ATRNL1: variants seen among roughly 807,000 people sequenced by gnomAD.
ATRNL1 encodes attractin-like protein 1.
A neutral mutation model predicts 182.7 loss-of-function variants in ATRNL1; 95 were observed. That is an observed-to-expected ratio of 0.52 (90% CI 0.44 to 0.62). ATRNL1 has a LOEUF of 0.62. ATRNL1 is among the 20% of genes least tolerant of loss of function. The pLI, the probability that ATRNL1 is intolerant of heterozygous loss-of-function variation, is 0.00. For synonymous variants in ATRNL1, 576 were observed against 568.3 expected (o/e 1.01, Z -0.19); for missense variants, 1,471 against 1,679.5 (o/e 0.88, Z 2.17).
chr10:115,202,985 A>T (rs1357260659), intron 8 of ATRNL1, among the ~76,000 whole-genome samples: 2 of 151,846 alleles, frequency 1.3e-5, no homozygotes, highest in East Asian at 3.9e-4. Flanking sequence ...CGAGGAATTT[A>T]TCCATTTCTT....
At chr10:115,432,045 T>C (rs1164552293) in intron 21 of ATRNL1, among the ~76,000 whole-genome samples, 1 of 152,154 alleles carries the variant, frequency 6.6e-6, no homozygotes, top group Non-Finnish European at 1.5e-5. Context: ...GTGAGCCTCA[T>C]ATGTAATTTA....
At chr10:115,373,081 C>G (rs1222368373) in intron 19 of ATRNL1, among the ~76,000 whole-genome samples, 1 of 152,018 alleles carries the variant, frequency 6.6e-6, no homozygotes, top group Non-Finnish European at 1.5e-5. Context: ...ATAGGTCATT[C>G]ACTTCTTTGA....
chr10:115,302,948 T>C (rs553257454), intron 17 of ATRNL1, among the ~76,000 whole-genome samples: 36 of 137,454 alleles, frequency 2.6e-4, no homozygotes, highest in Non-Finnish European at 4.0e-4. Context: ...CTGACGCTCA[T>C]CAAAAATATG....
chr10:115,619,808 A>G (rs980737746), intron 26 of ATRNL1, among the ~76,000 whole-genome samples: 10 of 152,200 alleles, frequency 6.6e-5, no homozygotes, highest in Admixed American at 2.6e-4. Flanking sequence ...TATTTTTAAC[A>G]ACACCTGGAT....
chr10:115,216,587 A>G (rs1181591426), intron 9 of ATRNL1, among the ~76,000 whole-genome samples: 1 of 152,012 alleles, frequency 6.6e-6, no homozygotes, highest in Non-Finnish European at 1.5e-5. Context: ...TGTTTGAAAT[A>G]TTATTAATTA....
chr10:115,599,660 A>G (rs1856477738), intron 26 of ATRNL1, among the ~76,000 whole-genome samples: 2 of 152,144 alleles, frequency 1.3e-5, no homozygotes, highest in South Asian at 4.1e-4. Context: ...CATCACTGCA[A>G]ACATCAGCAC....
intron 5 of ATRNL1, among the ~76,000 whole-genome samples, chr10:115,130,740 A>G (rs1845193853): frequency 6.6e-6 from 1 of 152,110 alleles, no homozygotes; most frequent in Non-Finnish European, 1.5e-5. Flanking sequence ...TCGTGAAACT[A>G]AAATAACTGT....
intron 13 of ATRNL1, among the ~76,000 whole-genome samples, chr10:115,272,657 A>C (rs1851919974): frequency 6.6e-6 from 1 of 152,164 alleles, no homozygotes; most frequent in Non-Finnish European, 1.5e-5. Context: ...TGAGAGAAAA[A>C]GCACCATATA....
intron 26 of ATRNL1, among the ~76,000 whole-genome samples, chr10:115,709,462 A>G (rs1593102979): frequency 1.3e-5 from 2 of 151,968 alleles, no homozygotes; most frequent in African/African-American, 4.8e-5. Flanking sequence ...TGGTATCACA[A>G]ACTTATTCCA....
chr10:115,302,859 G>T (rs1853542860), intron 17 of ATRNL1, among the ~76,000 whole-genome samples: 1 of 137,130 alleles, frequency 7.3e-6, no homozygotes, highest in African/African-American at 3.6e-5. Context: ...TTTCTGCTTG[G>T]GAGAAAAAAG....
At chr10:115,223,930 T>TATATATATATATATA (rs1491447423) in intron 9 of ATRNL1, among the ~76,000 whole-genome samples, 5 of 37,238 alleles carry the variant, frequency 1.3e-4, no homozygotes, top group African/African-American at 5.3e-4. Flanking sequence ...TATATATATA[T>TATATATATATATATA]TTTTTTTTTT....
chr10:115,946,070 T>C lies in ATRNL1; in HGVS notation c.*1291T>C, dbSNP rs1426573542. ...GCTCAGTAGCATTAACAGATATAGT[T>C]TGGAATTGCAGTTTCCTCACTTCAG... On this transcript the variant is annotated 3_prime_UTR_variant, in exon 29 of 29. Transcript: ENST00000355044. The C allele has an allele frequency of 6.6e-6, 1 of 152,208 alleles. No homozygotes were observed. Among genetic ancestry groups the C allele is most frequent in the Non-Finnish European group, 1.5e-5 (1 of 68,050 alleles). The allele number at this position is 152,208 out of a possible 1,614,324, so 9.4% of individuals were successfully genotyped here. A position where few individuals can be genotyped will look rare whatever the true frequency, so the allele number is the denominator to read the frequency against.
intron 27 of ATRNL1, among the ~76,000 whole-genome samples, chr10:115,741,125 T>C (rs1339954991): frequency 6.6e-6 from 1 of 152,180 alleles, no homozygotes; most frequent in Non-Finnish European, 1.5e-5. Context: ...ATGTTATCTT[T>C]ACCTTTCAGA....
chr10:115,409,138 C>T (rs782579431), intron 20 of ATRNL1, among the ~76,000 whole-genome samples: 2 of 152,142 alleles, frequency 1.3e-5, no homozygotes, highest in African/African-American at 2.4e-5. Flanking sequence ...AAAGGAATTG[C>T]ATTCAATCTG....
chr10:115,876,314 T>C (rs1296816422), intron 28 of ATRNL1, among the ~76,000 whole-genome samples: 3 of 152,208 alleles, frequency 2.0e-5, no homozygotes, highest in Admixed American at 6.5e-5. Flanking sequence ...TGTGAAAGGC[T>C]CAAATGAGAT....
chr10:115,242,469 T>C (rs1850462874), intron 10 of ATRNL1, among the ~76,000 whole-genome samples: 1 of 151,952 alleles, frequency 6.6e-6, no homozygotes, highest in East Asian at 1.9e-4. Context: ...ACCTAGCTGA[T>C]ATTTAAAATA....
chr10:115,409,450 T>G (rs1349337818), intron 20 of ATRNL1, among the ~76,000 whole-genome samples: 1 of 152,178 alleles, frequency 6.6e-6, no homozygotes, highest in Non-Finnish European at 1.5e-5. Flanking sequence ...AGCAGTTCTA[T>G]TAAATAATAG....
chr10:115,531,285 A>G (rs1554988174), intron 25 of ATRNL1, among the ~76,000 whole-genome samples: 2 of 151,924 alleles, frequency 1.3e-5, no homozygotes, highest in African/African-American at 2.4e-5. Context: ...CCTCTCCAGC[A>G]CCCGTTGTTT....
intron 28 of ATRNL1, among the ~76,000 whole-genome samples, chr10:115,886,000 G>A (rs539692078): frequency 7.2e-5 from 11 of 152,258 alleles, no homozygotes; most frequent in African/African-American, 2.2e-4. Flanking sequence ...CAGTGCCTGC[G>A]TTTGCATCTG....
Sources: gnomAD v4.1 joint callset for allele counts (sites outside exome capture counted in the v4.1 genomes callset) on GRCh38, gnomAD v4.1.1 for gene constraint, MANE v1.5 for transcripts, NCBI Gene and HGNC (gene_info 2026-07-23, HGNC 2026-07-21) for gene names.